OR4D10: variants seen among roughly 807,000 people sequenced by gnomAD.
OR4D10 encodes the protein olfactory receptor 4D10.
For synonymous variants in OR4D10, 188 were observed against 153.2 expected (o/e 1.23, Z -1.68); for missense variants, 395 against 378.0 (o/e 1.04, Z -0.37).
rs1858938407 is a variant in OR4D10, at chr11:59,478,735, TTA to T, written c.*377_*378del. On this transcript the variant is annotated 3_prime_UTR_variant, in exon 3 of 3. Transcript: ENST00000530162. Reference sequence around the variant, plus strand: ...TATATATATACCTAGCAAATGCATATTATATATAGTAAATCTTCTTATCTGCA... The same window carrying T: ...TATATATATACCTAGCAAATGCATATTATATAGTAAATCTTCTTATCTGCA... 1 of 158,222 alleles carries T rather than the reference TTA, an allele frequency of 6.3e-6. No homozygotes were observed. The highest frequency in any genetic ancestry group is 2.4e-5 in the African/African-American group (1 of 41,640). The allele number at this position is 158,222 out of a possible 1,614,324, so 9.8% of individuals were successfully genotyped here. A position where few individuals can be genotyped will look rare whatever the true frequency, so the allele number is the denominator to read the frequency against.
In OR4D10 at chr11:59,479,129, C is replaced by T. The variant is rs2134561643; in HGVS notation, c.*764C>T. 1 of 152,270 alleles carries T rather than the reference C, an allele frequency of 6.6e-6. No individual in the cohort carries two copies. Among genetic ancestry groups the T allele is most frequent in the Admixed American group, 6.5e-5 (1 of 15,290 alleles). The allele number at this position is 152,270 out of a possible 1,614,324, so 9.4% of individuals were successfully genotyped here. ...CTTAGGGTTAGCATTGCACTCAGGACTCTATTTTGAAATTTCCTATTTTCT... is the reference window on the plus strand; with the variant it reads ...CTTAGGGTTAGCATTGCACTCAGGATTCTATTTTGAAATTTCCTATTTTCT... On this transcript the variant is annotated 3_prime_UTR_variant, in exon 3 of 3. Coordinates refer to ENST00000530162, the MANE Select transcript of OR4D10 (RefSeq NM_001004705.2).
chr11:59,478,004 T>G lies in OR4D10; in HGVS notation c.575T>G (p.Ile192Ser). 1.2e-6 allele frequency: 2 copies of G among 1,614,114 alleles called. No individual in the cohort carries two copies. The highest frequency in any genetic ancestry group is 1.7e-6 in the Non-Finnish European group (2 of 1,180,016). Residue 192 changes from isoleucine (I) to serine (S), a missense_variant, in exon 3 of 3, where the codon ATT becomes AGT. Transcript: ENST00000530162. ...HRVLKLAHTD[I>S]FILELLMISN... ...GTCCTCAAACTGGCCCATACAGACA[T>G]TTTCATACTTGAACTACTAATGATT...
Position 59,478,018 on chromosome 11 carries a change from C to T in OR4D10, c.589C>T (p.Leu197=), listed in dbSNP as rs772777207. Residue 197 remains leucine, a synonymous_variant, in exon 3 of 3, where the codon CTA becomes TTA. Coordinates refer to ENST00000530162, the MANE Select transcript of OR4D10 (RefSeq NM_001004705.2). ...CCATACAGACATTTTCATACTTGAA[C>T]TACTAATGATTTCCAACAATGGACT... ...LAHTDIFILE[L]LMISNNGLLT... is the part of the protein sequence containing the mutation. 2 of 1,614,034 alleles carry T rather than the reference C, an allele frequency of 1.2e-6. No individual in the cohort carries two copies. The highest frequency in any genetic ancestry group is 1.7e-6 in the Non-Finnish European group (2 of 1,180,026).
At position 59,478,118 on chromosome 11, in the gene OR4D10, G is replaced by A. The variant is rs1198236072; in HGVS notation, c.689G>A (p.Gly230Glu). 6.2e-7 allele frequency: 1 copy of A among 1,614,060 alleles called. No homozygotes were observed. Among genetic ancestry groups the A allele is most frequent in the South Asian group, 1.1e-5 (1 of 91,076 alleles). Residue 230 changes from glycine (G) to glutamate (E), a missense_variant, in exon 3 of 3, where the codon GGA becomes GAA. Gly to Glu is a moderately conservative substitution (Grantham distance 98, BLOSUM62 -2). Transcript: ENST00000530162. ...TTATCATTACCCAAGTCTCAGGCAG[G>A]AGAGGGCAGGAGGAAAGCCATCTCC... ...VILSLPKSQA[G>E]EGRRKAISTC...
Position 59,479,339 on chromosome 11 carries a change from A to T in OR4D10, c.*974A>T, listed in dbSNP as rs1385451332. 1 of 152,244 alleles carries T rather than the reference A, an allele frequency of 6.6e-6. No individual in the cohort carries two copies. Among genetic ancestry groups the T allele is most frequent in the Non-Finnish European group, 1.5e-5 (1 of 68,048 alleles). The allele number at this position is 152,244 out of a possible 1,614,324, so 9.4% of individuals were successfully genotyped here. Reference sequence around the variant, plus strand: ...GTGAGTTTCTACAAATGACAAAAACACATTAAGCTACTTTAAGCTATGCAT... The same window carrying T: ...GTGAGTTTCTACAAATGACAAAAACTCATTAAGCTACTTTAAGCTATGCAT... On this transcript the variant is annotated 3_prime_UTR_variant, in exon 3 of 3. Transcript: ENST00000530162.
intron 2 of OR4D10, among the ~76,000 whole-genome samples, chr11:59,475,586 G>C (rs766492498): frequency 5.9e-5 from 9 of 152,162 alleles, no homozygotes; most frequent in Non-Finnish European, 8.8e-5. Context: ...AATTGCTCCA[G>C]AGTAAGAACT....
In OR4D10 at chr11:59,479,187, C is replaced by G. The variant is rs1295804945; in HGVS notation, c.*822C>G. 1 of 152,092 alleles carries G rather than the reference C, an allele frequency of 6.6e-6. No individual in the cohort carries two copies. The highest frequency in any genetic ancestry group is 1.5e-5 in the Non-Finnish European group (1 of 68,024). 9.4% of individuals were successfully genotyped at this position (152,092 alleles called of 1,614,324 possible). ...TTCTCTTACTGGGCAGTGACTTCCC[C>G]AGGAGCAGGGATTATGTTTTATTTA... On this transcript the variant is annotated 3_prime_UTR_variant, in exon 3 of 3. Transcript: ENST00000530162.
At chr11:59,477,207 A>G (rs1346688203) in intron 2 of OR4D10, 55 bp from the exon 3 acceptor site, 3 of 429,856 alleles carry the variant, frequency 7.0e-6, no homozygotes, top group African/African-American at 4.1e-5. Context: ...AAGTAGTTCT[A>G]TAGGAGAAGA....
In OR4D10 at chr11:59,477,848, ATTG is replaced by A; in HGVS notation, c.420_422del (p.Cys141del). On this transcript the variant is annotated inframe_deletion, in exon 3 of 3. Transcript: ENST00000530162. ...TATGCGACTATCATGAGTAGAGACC[ATTG>A]CATTGGGCTCACAGTGGCTGCCTGG... 1 of 1,614,034 alleles carries A rather than the reference ATTG, an allele frequency of 6.2e-7. No individual in the cohort carries two copies. The highest frequency in any genetic ancestry group is 8.5e-7 in the Non-Finnish European group (1 of 1,180,016).
chr11:59,474,026 G>A (rs1351834987), intron 2 of OR4D10, among the ~76,000 whole-genome samples: 2 of 152,196 alleles, frequency 1.3e-5, no homozygotes, highest in Admixed American at 6.5e-5. Flanking sequence ...GTTTCAACCT[G>A]TAGTGACTGA....
intron 2 of OR4D10, among the ~76,000 whole-genome samples, chr11:59,476,412 C>T (rs1858909271): frequency 6.6e-6 from 1 of 152,164 alleles, no homozygotes; most frequent in Admixed American, 6.5e-5. Flanking sequence ...GACAGGGTCT[C>T]ACTCTGTCAC....
At position 59,473,561 on chromosome 11, in the gene OR4D10, T is replaced by A. The variant is rs2134556815; in HGVS notation, c.-304T>A. The A allele has an allele frequency of 6.6e-6, 1 of 152,334 alleles. No individual in the cohort carries two copies. The highest frequency in any genetic ancestry group is 1.5e-5 in the Non-Finnish European group (1 of 68,016). The allele number at this position is 152,334 out of a possible 1,614,324, so 9.4% of individuals were successfully genotyped here. ...AACTTTTAAACAAGATTTTCAAGAA[T>A]TAATGCCAGTAGTCTTCTGTTATGC... On this transcript the variant is annotated 5_prime_UTR_variant, in exon 1 of 3. Transcript: ENST00000530162.
chr11:59,477,807 C>T lies in OR4D10; in HGVS notation c.378C>T (p.Ile126=), dbSNP rs1858925443. ...SVMALDRYVA[I]SKPLHYATIM... is the part of the protein sequence containing the mutation. The stretch of plus-strand genomic sequence containing the variant: ...TGGCATTGGATCGATATGTGGCCAT[C>T]TCCAAGCCCCTGCACTATGCGACTA... The change falls in exon 3 of 3, where the codon ATC becomes ATT. Residue 126 remains isoleucine, a synonymous_variant. Transcript: ENST00000530162. 6.2e-7 allele frequency: 1 copy of T among 1,614,140 alleles called. No homozygotes were observed. The highest frequency in any genetic ancestry group is 1.1e-5 in the South Asian group (1 of 91,072).
rs780952703 is a variant in OR4D10, at chr11:59,477,637, G to A, written c.208G>A (p.Asp70Asn). ...TTTGCTCCATAATTTATCTATTGCC[G>A]ATATCTGCTTCTCTTCCATCACAGT... is the stretch of plus-strand genomic sequence containing the variant. ...YFLLHNLSIA[D>N]ICFSSITVPK... The change falls in exon 3 of 3, where the codon GAT becomes AAT. Residue 70 changes from aspartate (D) to asparagine (N), a missense_variant. Coordinates refer to ENST00000530162, the MANE Select transcript of OR4D10 (RefSeq NM_001004705.2). 22 of 1,614,002 alleles carry A rather than the reference G, an allele frequency of 1.4e-5. No homozygotes were observed. The highest frequency in any genetic ancestry group is 4.5e-5 in the East Asian group (2 of 44,882).
In OR4D10 at chr11:59,477,804, C is replaced by T. The variant is rs537827822; in HGVS notation, c.375C>T (p.Ala125=). 40 of 1,614,052 alleles carry T rather than the reference C, an allele frequency of 2.5e-5. No individual in the cohort carries two copies. In the South Asian group the frequency reaches 3.6e-4, roughly 15 times the overall value. The change falls in exon 3 of 3, where the codon GCC becomes GCT. Residue 125 remains alanine (A), a synonymous_variant. Transcript: ENST00000530162. Reference sequence around the variant, plus strand: ...TGATGGCATTGGATCGATATGTGGCCATCTCCAAGCCCCTGCACTATGCGA... The same window carrying T: ...TGATGGCATTGGATCGATATGTGGCTATCTCCAAGCCCCTGCACTATGCGA... ...LSVMALDRYV[A]ISKPLHYATI...
rs1266037663 is a variant in OR4D10, at chr11:59,478,892, A to C, written c.*527A>C. ...AAGAAAAATTAAGCCAAATGCACGC[A>C]GACATTATCATTACCTTTCTGCTCC... On this transcript the variant is annotated 3_prime_UTR_variant, in exon 3 of 3. Transcript: ENST00000530162. 1.3e-5 allele frequency: 2 copies of C among 152,560 alleles called. No homozygotes were observed. The highest frequency in any genetic ancestry group is 4.8e-5 in the African/African-American group (2 of 41,464). 9.5% of individuals were successfully genotyped at this position (152,560 alleles called of 1,614,324 possible).
intron 2 of OR4D10, among the ~76,000 whole-genome samples, chr11:59,475,370 C>A (rs535651727): frequency 1.3e-5 from 2 of 152,216 alleles, no homozygotes; most frequent in South Asian, 4.2e-4. Context: ...TGACGTTTTA[C>A]GGGCTGTTTC....
rs1279822748 is a variant in OR4D10 at position 59,477,366 on chromosome 11, A to G, written c.-64A>G. On this transcript the variant is annotated 5_prime_UTR_variant, in exon 3 of 3. Coordinates refer to ENST00000530162, the MANE Select transcript of OR4D10 (RefSeq NM_001004705.2). ...TCTAGGTGTTTAGGAAGACAACAAA[A>G]TAAATATCCCAGTGCTTTCACATGA... 7.9e-7 allele frequency: 1 copy of G among 1,260,328 alleles called. No homozygotes were observed. Among genetic ancestry groups the G allele is most frequent in the African/African-American group, 1.5e-5 (1 of 67,088 alleles). The allele number at this position is 1,260,328 out of a possible 1,614,324, so 78.1% of individuals were successfully genotyped here.
rs778950141 is a variant in OR4D10 at position 59,477,446 on chromosome 11, G to GCACC, written c.18_21dup (p.Arg8HisfsTer46). 1 of 1,569,210 alleles carries GCACC rather than the reference G, an allele frequency of 6.4e-7. No individual in the cohort carries two copies. Among genetic ancestry groups the GCACC allele is most frequent in the South Asian group, 1.2e-5 (1 of 83,138 alleles). On this transcript the variant is annotated frameshift_variant, in exon 3 of 3. Coordinates refer to ENST00000530162, the MANE Select transcript of OR4D10 (RefSeq NM_001004705.2). LOFTEE classifies it low-confidence loss of function (END_TRUNC). Reference sequence around the variant, plus strand: ...GATGATTGAATGGAGATGGAAAACTGCACCAGGGTAAAAGAATTTATTTTC... The same window carrying GCACC: ...GATGATTGAATGGAGATGGAAAACTGCACCCACCAGGGTAAAAGAATTTATTTTC...
Sources: gnomAD v4.1 joint callset for allele counts (sites outside exome capture counted in the v4.1 genomes callset) on GRCh38, gnomAD v4.1.1 for gene constraint, MANE v1.5 for transcripts, NCBI Gene and HGNC (gene_info 2026-07-23, HGNC 2026-07-21) for gene names.